The following DGKI variants were observed in gnomAD, a reference collection of about 807,000 sequenced individuals.
DGKI encodes diacylglycerol kinase iota, also known as DAG kinase iota.
Under a neutral mutation model 147.5 loss-of-function variants are expected in DGKI, and 55 were observed. The ratio of observed to expected loss-of-function variants is 0.37; its 90% CI spans 0.30 to 0.47. The LOEUF (loss-of-function observed/expected upper bound fraction) is 0.47. Ranked by LOEUF, DGKI falls within the 20% of genes least tolerant of loss-of-function variation. The probability of loss-of-function intolerance (pLI) is 1.00; values close to 1 mark genes in which losing one functional copy is unlikely to be tolerated. For missense variants in DGKI, 1,007 were observed against 1,323.8 expected (o/e 0.76, Z 3.71); for synonymous variants, 469 against 477.1 (o/e 0.98, Z 0.22).
At chr7:137,669,210 G>A (rs954833499) in intron 3 of DGKI, among the ~76,000 whole-genome samples, 32 of 152,098 alleles carry the variant, frequency 2.1e-4, no homozygotes, top group African/African-American at 6.5e-4. Context: ...CCATTTCCTC[G>A]TGTTTTTAAA....
At chr7:137,581,284 C>A (rs569538074) in intron 15 of DGKI, among the ~76,000 whole-genome samples, 29 of 152,218 alleles carry the variant, frequency 1.9e-4, no homozygotes, top group African/African-American at 6.7e-4. Flanking sequence ...CAGTGGGGAT[C>A]CCTAGTACCT....
intron 18 of DGKI, among the ~76,000 whole-genome samples, chr7:137,571,695 A>G (rs1401515028): frequency 6.6e-6 from 1 of 152,176 alleles, no homozygotes; most frequent in Non-Finnish European, 1.5e-5. Context: ...ACATAAGCAA[A>G]ATAAGAGGTA....
At chr7:137,736,008 T>C (rs1291211531) in intron 1 of DGKI, among the ~76,000 whole-genome samples, 1 of 152,064 alleles carries the variant, frequency 6.6e-6, no homozygotes, top group African/African-American at 2.4e-5. Flanking sequence ...GACCATAACC[T>C]GAGCACTGGA....
intron 20 of DGKI, among the ~76,000 whole-genome samples, chr7:137,549,958 T>C (rs935662882): frequency 1.3e-5 from 2 of 152,212 alleles, no homozygotes; most frequent in African/African-American, 2.4e-5. Flanking sequence ...TCTCAAAATG[T>C]AGTGTTGAAT....
chr7:137,476,341 G>A (rs974904692), intron 23 of DGKI, among the ~76,000 whole-genome samples: 1 of 152,014 alleles, frequency 6.6e-6, no homozygotes, highest in African/African-American at 2.4e-5. Context: ...TTTTTACGGT[G>A]TGCTCATTTT....
At chr7:137,651,034 A>G (rs1822008793) in intron 5 of DGKI, among the ~76,000 whole-genome samples, 1 of 152,228 alleles carries the variant, frequency 6.6e-6, no homozygotes, top group African/African-American at 2.4e-5. Context: ...TCATGCCAAG[A>G]CAGAGGGTTT....
At chr7:137,513,791 G>A in intron 21 of DGKI, 1 of 569,308 alleles carries the variant, frequency 1.8e-6, no homozygotes, top group South Asian at 1.5e-5. Flanking sequence ...TAGAAAAGGT[G>A]CAGTAAAACT....
chr7:137,540,193 A>G (rs575066202), intron 20 of DGKI, among the ~76,000 whole-genome samples: 1 of 152,342 alleles, frequency 6.6e-6, no homozygotes, highest in East Asian at 1.9e-4. Context: ...AATCTTTTCC[A>G]GATATGCTGA....
At chr7:137,524,793 G>A (rs1455577019) in intron 20 of DGKI, among the ~76,000 whole-genome samples, 2 of 152,260 alleles carry the variant, frequency 1.3e-5, no homozygotes, top group East Asian at 3.9e-4. Flanking sequence ...ATGGCAGTGG[G>A]CTTCAGTCTT....
At chr7:137,466,705 T>C (rs756928320) in intron 25 of DGKI, among the ~76,000 whole-genome samples, 197 bp downstream of exon 25, 28 of 152,186 alleles carry the variant, frequency 1.8e-4, no homozygotes, top group Non-Finnish European at 3.1e-4. Context: ...ATTTGCAAGA[T>C]TAAGCCACAT....
chr7:137,759,341 T>C (rs920374452), intron 1 of DGKI, among the ~76,000 whole-genome samples: 24 of 152,120 alleles, frequency 1.6e-4, no homozygotes, highest in Admixed American at 4.6e-4. Flanking sequence ...ATTCTTTTTT[T>C]TTTTTCTTTA....
intron 19 of DGKI, among the ~76,000 whole-genome samples, chr7:137,559,619 C>T (rs1015628860): frequency 2.6e-5 from 4 of 151,922 alleles, no homozygotes; most frequent in Non-Finnish European, 2.9e-5. Context: ...TCTCAAAACT[C>T]TCATTGGGAT....
At chr7:137,437,486 C>A (rs575415861) in intron 28 of DGKI, among the ~76,000 whole-genome samples, 1 of 152,110 alleles carries the variant, frequency 6.6e-6, no homozygotes, top group Non-Finnish European at 1.5e-5. Context: ...AAACTCTATT[C>A]ATAGCCATTT....
At chr7:137,405,398 C>T (rs967150407) in intron 30 of DGKI, among the ~76,000 whole-genome samples, 5 of 152,100 alleles carry the variant, frequency 3.3e-5, no homozygotes, top group East Asian at 1.9e-4. Flanking sequence ...CCACCATGCC[C>T]GGCCATCTTG....
intron 1 of DGKI, among the ~76,000 whole-genome samples, chr7:137,719,296 T>A (rs1408680873): frequency 1.3e-5 from 2 of 152,050 alleles, no homozygotes; most frequent in African/African-American, 4.8e-5. Flanking sequence ...CAAGAATTAG[T>A]TGCAACTGTC....
At chr7:137,667,816 C>T (rs1177916507) in intron 3 of DGKI, among the ~76,000 whole-genome samples, 1 of 152,196 alleles carries the variant, frequency 6.6e-6, no homozygotes, top group Admixed American at 6.5e-5. Context: ...GTTTACTCAA[C>T]ACTGTACCTC....
chr7:137,674,258 G>A (rs1301916236), intron 3 of DGKI, among the ~76,000 whole-genome samples: 5 of 152,200 alleles, frequency 3.3e-5, no homozygotes, highest in Non-Finnish European at 7.3e-5. Flanking sequence ...ACAGGAAAAG[G>A]TCACGTGGTT....
chr7:137,846,438 C>G lies in DGKI; in HGVS notation c.401+24G>C. On this transcript the variant is annotated intron_variant, in intron 1 of 32. Transcript: ENST00000614521. The surrounding 1 kb of genome is among the most constrained non-coding windows in gnomAD (Gnocchi z 4.0). ...GTCTCCCGCCGCGGCGCACCTGTCT[C>G]GGCTGCCGGCTCCCCGCACCTACCT... The G allele has an allele frequency of 6.4e-7, 1 of 1,552,596 alleles. No individual in the cohort carries two copies. The highest frequency in any genetic ancestry group is 1.1e-5 in the South Asian group (1 of 89,816).
intron 20 of DGKI, among the ~76,000 whole-genome samples, chr7:137,531,448 G>A (rs1048989052): frequency 6.6e-6 from 1 of 152,126 alleles, no homozygotes; most frequent in Non-Finnish European, 1.5e-5. Flanking sequence ...CTCACAGCAT[G>A]GAGAATTCTT....
Sources: allele counts gnomAD v4.1 joint callset (sites outside exome capture counted in the v4.1 genomes callset), GRCh38; gene constraint gnomAD v4.1.1; non-coding constraint Gnocchi (gnomAD v3.1); transcripts MANE v1.5; gene names NCBI Gene and HGNC (gene_info 2026-07-23, HGNC 2026-07-21).